The following LHFPL3 variants were observed in gnomAD, a reference collection of about 807,000 sequenced individuals.
LHFPL3 encodes LHFPL tetraspan subfamily member 3 protein.
In LHFPL3, 5 loss-of-function variants were observed where a neutral mutation model predicts 19.3. The observed-to-expected ratio is 0.26, with a 90% CI of 0.14 to 0.54. The LOEUF (loss-of-function observed/expected upper bound fraction) is 0.54, where lower values mean the gene tolerates loss of function less well. Ranked by LOEUF, LHFPL3 falls within the 20% of genes least tolerant of loss-of-function variation. The pLI is 0.94. For missense variants in LHFPL3, 249 were observed against 307.4 expected (o/e 0.81, Z 1.42); for synonymous variants, 133 against 126.2 (o/e 1.05, Z -0.36).
At chr7:104,895,231 T>A (rs1463931845) in intron 2 of LHFPL3, 1 of 152,262 alleles carries the variant, frequency 6.6e-6, no homozygotes, top group Non-Finnish European at 1.5e-5. Context: ...AGACCAGAGC[T>A]GGGACACACC....
intron 1 of LHFPL3, among the ~76,000 whole-genome samples, chr7:104,450,576 G>A (rs1440320012): frequency 6.6e-6 from 1 of 152,090 alleles, no homozygotes; most frequent in Non-Finnish European, 1.5e-5. Flanking sequence ...CCTGACAGGG[G>A]GTGGGGGACT....
chr7:104,835,137 A>AT (rs1265461876), intron 2 of LHFPL3, among the ~76,000 whole-genome samples: 1 of 151,840 alleles, frequency 6.6e-6, no homozygotes, highest in Non-Finnish European at 1.5e-5. Flanking sequence ...TGGGTGATAC[A>AT]TTTTGTCATT....
intron 2 of LHFPL3, among the ~76,000 whole-genome samples, chr7:104,886,554 G>A (rs1327691284): frequency 2.0e-5 from 3 of 152,124 alleles, no homozygotes; most frequent in Middle Eastern, 6.8e-3. Context: ...TAGTAGAGAC[G>A]GGGTTTTGCC....
intron 1 of LHFPL3, among the ~76,000 whole-genome samples, chr7:104,610,402 A>G (rs1253546892): frequency 1.3e-5 from 2 of 151,240 alleles, no homozygotes; most frequent in Non-Finnish European, 3.0e-5. Context: ...AACAGAAAAG[A>G]GAGAGAGAGA....
At chr7:104,519,659 TC>T (rs1325707712) in intron 1 of LHFPL3, among the ~76,000 whole-genome samples, 1 of 152,128 alleles carries the variant, frequency 6.6e-6, no homozygotes, top group African/African-American at 2.4e-5. Context: ...TTATTCTTTT[TC>T]CCATTATAAA....
intron 1 of LHFPL3, among the ~76,000 whole-genome samples, chr7:104,660,190 A>T (rs1792199717): frequency 6.6e-6 from 1 of 152,090 alleles, no homozygotes. Flanking sequence ...TTTAGTAGAG[A>T]TGGGGTTTCA....
intron 1 of LHFPL3, among the ~76,000 whole-genome samples, chr7:104,663,579 C>G (rs939290056): frequency 6.6e-6 from 1 of 152,224 alleles, no homozygotes; most frequent in African/African-American, 2.4e-5. Flanking sequence ...TAAAAAGACT[C>G]ATATGCCCTG....
intron 2 of LHFPL3, among the ~76,000 whole-genome samples, chr7:104,864,561 G>C (rs563068839): frequency 5.9e-5 from 9 of 152,346 alleles, no homozygotes; most frequent in African/African-American, 2.2e-4. Context: ...CAGCAGTGAG[G>C]CTGGGGGAGG....
intron 1 of LHFPL3, among the ~76,000 whole-genome samples, chr7:104,564,744 T>C (rs955074876): frequency 6.6e-5 from 10 of 152,166 alleles, no homozygotes; most frequent in African/African-American, 2.4e-4. Context: ...CATTTCCCTT[T>C]AGATAACAGA....
chr7:104,630,897 A>AC (rs1791627417), intron 1 of LHFPL3, among the ~76,000 whole-genome samples: 1 of 152,098 alleles, frequency 6.6e-6, no homozygotes, highest in Non-Finnish European at 1.5e-5. Flanking sequence ...AGCTGTCCAC[A>AC]CCCACCCACC....
chr7:104,357,529 A>G (rs1319848751), intron 1 of LHFPL3, among the ~76,000 whole-genome samples: 1 of 152,174 alleles, frequency 6.6e-6, no homozygotes, highest in Non-Finnish European at 1.5e-5. Flanking sequence ...AAATCAGCAT[A>G]TTATGTATTT....
At chr7:104,730,784 C>T (rs565655411) in intron 1 of LHFPL3, among the ~76,000 whole-genome samples, 14 of 152,114 alleles carry the variant, frequency 9.2e-5, no homozygotes, top group Non-Finnish European at 1.9e-4. Context: ...CTTTTGTTGC[C>T]ATTACTTTTG....
chr7:104,432,550 G>A (rs138534705), intron 1 of LHFPL3, among the ~76,000 whole-genome samples: 3 of 152,070 alleles, frequency 2.0e-5, no homozygotes, highest in African/African-American at 7.2e-5. Context: ...GGCCTCAATT[G>A]CCACCTACAT....
At chr7:104,523,750 C>T (rs1794127946) in intron 1 of LHFPL3, among the ~76,000 whole-genome samples, 1 of 152,178 alleles carries the variant, frequency 6.6e-6, no homozygotes, top group Non-Finnish European at 1.5e-5. Flanking sequence ...AACAGCAACA[C>T]AATAAAAGTC....
At chr7:104,896,255 G>C (rs534299027) in intron 2 of LHFPL3, among the ~76,000 whole-genome samples, 1 of 152,312 alleles carries the variant, frequency 6.6e-6, no homozygotes, top group South Asian at 2.1e-4. Flanking sequence ...GGGTTGTTGA[G>C]CAGCAACTAT....
intron 2 of LHFPL3, among the ~76,000 whole-genome samples, chr7:104,798,902 CA>C (rs1790187711): frequency 6.6e-6 from 1 of 152,016 alleles, no homozygotes; most frequent in South Asian, 2.1e-4. Flanking sequence ...TACTAACTAC[CA>C]CAACAGAAAT....
intron 1 of LHFPL3, among the ~76,000 whole-genome samples, chr7:104,344,416 C>T (rs1790024480): frequency 6.6e-6 from 1 of 152,106 alleles, no homozygotes; most frequent in African/African-American, 2.4e-5. Context: ...ATCCCACTTC[C>T]ACCCTTCCCC....
At chr7:104,448,871 A>G (rs557738760) in intron 1 of LHFPL3, among the ~76,000 whole-genome samples, 10 of 152,308 alleles carry the variant, frequency 6.6e-5, no homozygotes, top group African/African-American at 2.4e-4. Flanking sequence ...TAATTTAATG[A>G]CAGAATTGTA....
chr7:104,666,884 T>C (rs1435045310), intron 1 of LHFPL3, among the ~76,000 whole-genome samples: 1 of 152,174 alleles, frequency 6.6e-6, no homozygotes, highest in African/African-American at 2.4e-5. Context: ...ACATTTTCTT[T>C]ATTCATTCAT....
Sources: gnomAD v4.1 joint callset for allele counts (sites outside exome capture counted in the v4.1 genomes callset) on GRCh38, gnomAD v4.1.1 for gene constraint, MANE v1.5 for transcripts, NCBI Gene and HGNC (gene_info 2026-07-23, HGNC 2026-07-21) for gene names.